FOXN3: variants seen among roughly 807,000 people sequenced by gnomAD.
The protein encoded by FOXN3 is forkhead box N3.
A neutral mutation model predicts 38.4 loss-of-function variants in FOXN3; 7 were observed. The observed-to-expected ratio is 0.18, with a 90% CI of 0.10 to 0.34. FOXN3 has a LOEUF of 0.34. Ranked by LOEUF, FOXN3 falls within the 10% of genes least tolerant of loss-of-function variation. FOXN3 has a pLI of 1.00. For missense variants in FOXN3, 456 were observed against 613.4 expected (o/e 0.74, Z 2.71); for synonymous variants, 230 against 242.2 (o/e 0.95, Z 0.47).
intron 4 of FOXN3, among the ~76,000 whole-genome samples, chr14:89,278,671 C>T (rs995240657): frequency 6.6e-6 from 1 of 152,188 alleles, no homozygotes; most frequent in Non-Finnish European, 1.5e-5. Context: ...CAAGCATCCT[C>T]GTTCTACTTG....
At chr14:89,572,408 C>T (rs1405715483) in intron 1 of FOXN3, among the ~76,000 whole-genome samples, 1 of 152,192 alleles carries the variant, frequency 6.6e-6, no homozygotes, top group Non-Finnish European at 1.5e-5. Context: ...AAGCTGGCCA[C>T]TGAAGTTGAT....
chr14:89,410,343 C>T (rs1269896484), intron 2 of FOXN3, among the ~76,000 whole-genome samples: 3 of 152,144 alleles, frequency 2.0e-5, no homozygotes, highest in South Asian at 2.1e-4. Context: ...GTCCTGCGCC[C>T]GAACCTGAAC....
chr14:89,365,291 G>C (rs1220017766), intron 2 of FOXN3, among the ~76,000 whole-genome samples: 1 of 152,184 alleles, frequency 6.6e-6, no homozygotes, highest in Non-Finnish European at 1.5e-5. Flanking sequence ...GTTGAAAATA[G>C]TTATTTTTTT....
intron 1 of FOXN3, among the ~76,000 whole-genome samples, chr14:89,466,414 A>G (rs1376500347): frequency 6.6e-6 from 1 of 152,162 alleles, no homozygotes; most frequent in Non-Finnish European, 1.5e-5. Flanking sequence ...AATGCAGGGA[A>G]TATGTTTTTC....
chr14:89,607,872 A>C (rs1896304524), intron 1 of FOXN3, among the ~76,000 whole-genome samples: 1 of 151,706 alleles, frequency 6.6e-6, no homozygotes, highest in Non-Finnish European at 1.5e-5. Context: ...GCTGGAGTGC[A>C]GTGGCGCTAT....
chr14:89,351,027 G>T, intron 2 of FOXN3: 1 of 350,034 alleles, frequency 2.9e-6, no homozygotes, highest in Non-Finnish European at 5.1e-6. Context: ...ATTATTACCA[G>T]GTTATGGTGA....
At chr14:89,438,790 T>G (rs1420286847) in intron 1 of FOXN3, among the ~76,000 whole-genome samples, 1 of 152,006 alleles carries the variant, frequency 6.6e-6, no homozygotes, top group African/African-American at 2.4e-5. Flanking sequence ...TGAGACGATG[T>G]TTCACTCTTG....
chr14:89,166,039 G>A (rs1348292531), intron 5 of FOXN3, among the ~76,000 whole-genome samples: 1 of 152,228 alleles, frequency 6.6e-6, no homozygotes, highest in East Asian at 1.9e-4. Flanking sequence ...TAAAGCAAGT[G>A]CTCCACAGTG....
chr14:89,310,666 A>C (rs1887511530), intron 3 of FOXN3, among the ~76,000 whole-genome samples: 1 of 152,206 alleles, frequency 6.6e-6, no homozygotes, highest in South Asian at 2.1e-4. Flanking sequence ...TGCTTAAGAA[A>C]AGTACCTGCT....
intron 1 of FOXN3, among the ~76,000 whole-genome samples, chr14:89,499,347 G>A (rs749876582): frequency 6.6e-6 from 1 of 152,076 alleles, no homozygotes; most frequent in African/African-American, 2.4e-5. Context: ...CTGAAGTGCC[G>A]ACTTTTGGAA....
chr14:89,425,493 G>A (rs1186023508), intron 1 of FOXN3, among the ~76,000 whole-genome samples: 1 of 150,696 alleles, frequency 6.6e-6, no homozygotes, highest in Non-Finnish European at 1.5e-5. Context: ...TCAGCCACCT[G>A]AGTAGCTGGG....
intron 3 of FOXN3, among the ~76,000 whole-genome samples, chr14:89,293,525 G>A (rs1886941579): frequency 6.6e-6 from 1 of 152,134 alleles, no homozygotes; most frequent in African/African-American, 2.4e-5. Context: ...GCATTGCCCT[G>A]CCTTCATCTT....
chr14:89,543,450 T>C (rs2139851425), intron 1 of FOXN3, among the ~76,000 whole-genome samples: 1 of 152,274 alleles, frequency 6.6e-6, no homozygotes, highest in East Asian at 1.9e-4. Context: ...TGCTGGGTTA[T>C]TAAAAAAACA....
chr14:89,170,645 A>C (rs924314225), intron 5 of FOXN3, among the ~76,000 whole-genome samples: 2 of 152,224 alleles, frequency 1.3e-5, no homozygotes, highest in Admixed American at 1.3e-4. Context: ...AAGAAGCAAT[A>C]ATGTACAGAT....
intron 4 of FOXN3, among the ~76,000 whole-genome samples, chr14:89,228,394 T>G (rs1487057141): frequency 6.6e-6 from 1 of 152,194 alleles, no homozygotes; most frequent in Non-Finnish European, 1.5e-5. Context: ...ACTGCAAAAC[T>G]TGGTGACATC....
intron 1 of FOXN3, among the ~76,000 whole-genome samples, chr14:89,520,000 TC>T (rs1364872933): frequency 1.7e-4 from 21 of 126,520 alleles, no homozygotes; most frequent in Non-Finnish European, 2.9e-4. Context: ...GTTTTTCTTT[TC>T]TTTTTTTCTT....
Position 89,162,997 on chromosome 14 carries a change from C to G in FOXN3, c.852-28G>C, listed in dbSNP as rs527731955. The G allele has an allele frequency of 6.6e-7, 1 of 1,511,350 alleles. No individual in the cohort carries two copies. The highest frequency in any genetic ancestry group is 8.8e-7 in the Non-Finnish European group (1 of 1,130,352). The allele number at this position is 1,511,350 out of a possible 1,614,324, so 93.6% of individuals were successfully genotyped here. ...GCAGAGCGAGGACAGTGGGGAGGGA[C>G]GGGAGACAAAGAAGGGACACAGTTA... is the stretch of plus-strand genomic sequence containing the variant. On this transcript the variant is annotated intron_variant, in intron 5 of 5. Coordinates refer to ENST00000557258, the MANE Select transcript of FOXN3 (RefSeq NM_005197.4). The surrounding 1 kb of genome is among the most constrained non-coding windows in gnomAD (Gnocchi z 7.2).
rs113612835 is a variant in FOXN3, at chr14:89,446,917, C to T, written c.-14-34427G>A. Among the ~76,000 whole-genome samples the T allele has an allele frequency of 5.5e-3, 836 of 152,224 alleles. 6 individuals are homozygous for T. Among genetic ancestry groups the T allele is most frequent in the African/African-American group, 0.019 (793 of 41,560 alleles). ...TATTTCCTTAAAATGAATTCCTGGG[C>T]CGGGCACGGTGGCTCATGCCTGTAA... is the stretch of plus-strand genomic sequence containing the variant. On this transcript the variant is annotated intron_variant, in intron 1 of 6. Coordinates refer to the FOXN3 transcript ENST00000345097.
intron 1 of FOXN3, among the ~76,000 whole-genome samples, chr14:89,465,637 T>C (rs1265728891): frequency 2.0e-5 from 3 of 152,236 alleles, no homozygotes; most frequent in Non-Finnish European, 4.4e-5. Context: ...AGAGACTCCC[T>C]GAAACTCACA....
Sources: gnomAD v4.1 joint callset for allele counts (sites outside exome capture counted in the v4.1 genomes callset) on GRCh38, gnomAD v4.1.1 for gene constraint, Gnocchi (gnomAD v3.1) non-coding constraint, MANE v1.5 for transcripts, NCBI Gene and HGNC (gene_info 2026-07-23, HGNC 2026-07-21) for gene names.